ABCA3: variants seen among roughly 807,000 people sequenced by gnomAD.
ABCA3 encodes phospholipid-transporting ATPase ABCA3.
In ABCA3, 88 loss-of-function variants were observed where a neutral mutation model predicts 172.8. That is an observed-to-expected ratio of 0.51 (90% CI 0.43 to 0.61). The LOEUF (loss-of-function observed/expected upper bound fraction) is 0.61. Ranked by LOEUF, ABCA3 falls within the 20% of genes least tolerant of loss-of-function variation. The pLI is 0.00. For synonymous variants in ABCA3, 1,066 were observed against 983.8 expected (o/e 1.08, Z -1.56); for missense variants, 2,164 against 2,301.0 (o/e 0.94, Z 1.22).
rs2093658220 is a variant in ABCA3, at chr16:2,283,470, C to T, written c.3863-112G>A. 7.8e-7 allele frequency: 1 copy of T among 1,278,710 alleles called. No individual in the cohort carries two copies. Among genetic ancestry groups the T allele is most frequent in the Non-Finnish European group, 1.1e-6 (1 of 924,746 alleles). The allele number at this position is 1,278,710 out of a possible 1,614,324, so 79.2% of individuals were successfully genotyped here. A position where few individuals can be genotyped will look rare whatever the true frequency, so the allele number is the denominator to read the frequency against. On this transcript the variant is annotated intron_variant, in intron 25 of 32. Transcript: ENST00000301732. The surrounding 1 kb of genome is among the most constrained non-coding windows in gnomAD (Gnocchi z 5.4). ...CTGCTCAAGGCGCCTGTAACAATGT[C>T]CCCTCCATGGGGAGATGTGAAGGCC...
rs323059 is a variant in ABCA3 at position 2,324,285 on chromosome 16, T to C, written c.447+119A>G. The C allele has an allele frequency of 0.98, 1,385,874 of 1,408,126 alleles. 684,520 individuals are homozygous for C. Among genetic ancestry groups the C allele is most frequent in the East Asian group, 1 (39,841 of 39,842 alleles). The allele number at this position is 1,408,126 out of a possible 1,614,324, so 87.2% of individuals were successfully genotyped here. ...CCCAAAGGAGTGACTGCTATTGACT[T>C]GCAGGCAGGCAGAGGTTTAAGGGAA... On this transcript the variant is annotated intron_variant, in intron 6 of 32. Transcript: ENST00000301732.
intron 14 of ABCA3, among the ~76,000 whole-genome samples, chr16:2,299,141 C>G (rs938318996): frequency 6.9e-6 from 1 of 145,914 alleles, no homozygotes. Flanking sequence ...GCAGGGGTCC[C>G]TGGGGGTCCC....
Position 2,285,322 on chromosome 16 carries a change from TG to T in ABCA3, c.3483+119del. The T allele has an allele frequency of 2.4e-6, 3 of 1,243,246 alleles. No homozygotes were observed. Among genetic ancestry groups the T allele is most frequent in the Non-Finnish European group, 3.4e-6 (3 of 879,190 alleles). 77.0% of individuals were successfully genotyped at this position (1,243,246 alleles called of 1,614,324 possible). On this transcript the variant is annotated intron_variant, in intron 23 of 32. Coordinates refer to ENST00000301732, the MANE Select transcript of ABCA3 (RefSeq NM_001089.3). The surrounding 1 kb of genome is among the most constrained non-coding windows in gnomAD (Gnocchi z 4.7). The stretch of plus-strand genomic sequence containing the variant: ...GCCAGGGGATTCCAGCTGTCCTCCC[TG>T]AGTCGGGCCGAGCTGCCGGCCTAGG...
In ABCA3 at chr16:2,283,198, C is replaced by T. The variant is rs111481371; in HGVS notation, c.4023G>A (p.Arg1341=). 6.2e-7 allele frequency: 1 copy of T among 1,613,204 alleles called. No individual in the cohort carries two copies. The highest frequency in any genetic ancestry group is 1.3e-5 in the African/African-American group (1 of 75,040). ...CGGAGCCACTCACCAGTGTCCGCCT[C>T]CTCCGGAGGGCGCAGAGGATGCCCC... ...RLRGILCALR[R]RRTLTELYTR... The change falls in exon 26 of 33, where the codon AGG becomes AGA. Residue 1341 remains arginine (R), a synonymous_variant. Coordinates refer to ENST00000301732, the MANE Select transcript of ABCA3 (RefSeq NM_001089.3). This position sits in a 1 kb window ranked among gnomAD's most constrained non-coding sequence, Gnocchi z 5.4.
chr16:2,309,228 G>A (rs760787230), intron 10 of ABCA3, among the ~76,000 whole-genome samples: 5 of 152,046 alleles, frequency 3.3e-5, no homozygotes, highest in Non-Finnish European at 7.4e-5. Flanking sequence ...TTACAGGCGT[G>A]AGCCACCGTG....
At chr16:2,299,559 G>C in intron 13 of ABCA3, 27 bp from the exon 14 acceptor site, 9 of 1,611,138 alleles carry the variant, frequency 5.6e-6, no homozygotes, top group Non-Finnish European at 7.6e-6. Flanking sequence ...GGCTGCCCTG[G>C]GCTACCCACA....
chr16:2,304,002 G>C lies in ABCA3; in HGVS notation c.1434C>G (p.Phe478Leu), dbSNP rs199642666. The change falls in exon 12 of 33, where the codon TTC (phenylalanine) becomes TTG (leucine). Residue 478 changes from phenylalanine (F) to leucine (L), a missense_variant. Around this residue, in one of 3 missense-constraint regions of ABCA3, gnomAD observed 1,343 missense variants for 1,369.6 expected, o/e 0.98. Coordinates refer to ENST00000301732, the MANE Select transcript of ABCA3 (RefSeq NM_001089.3). Reference protein sequence around the residue: ...WYMEAVFPGQFGVPQPWYFFI... With the variant: ...WYMEAVFPGQLGVPQPWYFFI... ...AGAAGTACCAGGGCTGAGGCACGCCGAACTGCCCTGGGAAGACGGCCTCCA... is the reference window on the plus strand; with the variant it reads ...AGAAGTACCAGGGCTGAGGCACGCCCAACTGCCCTGGGAAGACGGCCTCCA... 53 of 1,614,046 alleles carry C rather than the reference G, an allele frequency of 3.3e-5. No individual in the cohort carries two copies. Among genetic ancestry groups the C allele is most frequent in the Non-Finnish European group, 4.2e-5 (49 of 1,180,034 alleles).
At chr16:2,338,868 C>T (rs866834266) in intron 1 of ABCA3, among the ~76,000 whole-genome samples, 1 of 151,212 alleles carries the variant, frequency 6.6e-6, no homozygotes, top group Non-Finnish European at 1.5e-5. Flanking sequence ...GATTCTTCTG[C>T]CTCAGCCTCC....
At chr16:2,314,997 C>T (rs2093712658) in intron 10 of ABCA3, among the ~76,000 whole-genome samples, 1 of 151,446 alleles carries the variant, frequency 6.6e-6, no homozygotes, top group African/African-American at 2.4e-5. Flanking sequence ...CCTGCCTCAG[C>T]CTCCCGAGTA....
At chr16:2,289,386 G>A (rs1302728275) in intron 20 of ABCA3, 48 bp downstream of exon 20, 4 of 1,542,398 alleles carry the variant, frequency 2.6e-6, no homozygotes, top group Non-Finnish European at 2.6e-6. Flanking sequence ...GGCGTTTGGG[G>A]GCTGCTCGCC....
intron 10 of ABCA3, among the ~76,000 whole-genome samples, chr16:2,315,839 CTT>C (rs536716259): frequency 5.1e-3 from 531 of 104,826 alleles, no homozygotes; most frequent in African/African-American, 0.017. Context: ...AATTTTTAAA[CTT>C]TTTTTTTTTT....
intron 14 of ABCA3, among the ~76,000 whole-genome samples, chr16:2,298,775 C>G (rs1009032900): frequency 1.1e-4 from 16 of 152,230 alleles, no homozygotes; most frequent in African/African-American, 3.9e-4. Context: ...GAGGAGAAAC[C>G]CACGACACAC....
In ABCA3 at chr16:2,324,307, G is replaced by A. The variant is rs1374837373; in HGVS notation, c.447+97C>T. On this transcript the variant is annotated intron_variant, in intron 6 of 32. Transcript: ENST00000301732. ...ACTTGCAGGCAGGCAGAGGTTTAAG[G>A]GAAAGCAGTGCCTTTTACAGGTTGA... is the stretch of plus-strand genomic sequence containing the variant. The A allele has an allele frequency of 2.0e-6, 3 of 1,498,970 alleles. No individual in the cohort carries two copies. The East Asian group carries it at 7.4e-5, about 37-fold the overall frequency. The allele number at this position is 1,498,970 out of a possible 1,614,324, so 92.9% of individuals were successfully genotyped here.
intron 10 of ABCA3, among the ~76,000 whole-genome samples, chr16:2,315,428 G>T (rs945231698): frequency 6.6e-6 from 1 of 152,136 alleles, no homozygotes; most frequent in Non-Finnish European, 1.5e-5. Flanking sequence ...ACACCTATCT[G>T]TGGAGAATTT....
chr16:2,310,587 G>C (rs1465096376), intron 10 of ABCA3, among the ~76,000 whole-genome samples: 2 of 150,028 alleles, frequency 1.3e-5, no homozygotes, highest in African/African-American at 4.9e-5. Context: ...TGTGATTTCA[G>C]CTCACTGCAA....
rs377610469 is a variant in ABCA3 at position 2,285,825 on chromosome 16, C to G, written c.3279-179G>C. On this transcript the variant is annotated intron_variant, in intron 22 of 32. Transcript: ENST00000301732. The surrounding 1 kb of genome is among the most constrained non-coding windows in gnomAD (Gnocchi z 4.7). Reference sequence around the variant, plus strand: ...GGGAACATCTGCCCCCACCGGAGAACGGTTCCTCTGGAATTCCTATGCTGA... The same window carrying G: ...GGGAACATCTGCCCCCACCGGAGAAGGGTTCCTCTGGAATTCCTATGCTGA... Among the ~76,000 whole-genome samples, 1 of 152,174 alleles carries G rather than the reference C, an allele frequency of 6.6e-6. No homozygotes were observed. The highest frequency in any genetic ancestry group is 2.4e-5 in the African/African-American group (1 of 41,434).
At chr16:2,306,811 C>G (rs1035563803) in intron 11 of ABCA3, among the ~76,000 whole-genome samples, 7 of 151,840 alleles carry the variant, frequency 4.6e-5, no homozygotes, top group South Asian at 4.2e-4. Context: ...GTCAGAAGAT[C>G]GAGACCATCC....
Position 2,286,626 on chromosome 16 carries a change from G to T in ABCA3, c.3278+68C>A. The T allele has an allele frequency of 6.3e-7, 1 of 1,596,366 alleles. No homozygotes were observed. The highest frequency in any genetic ancestry group is 1.1e-5 in the South Asian group (1 of 90,238). On this transcript the variant is annotated intron_variant, in intron 22 of 32. Transcript: ENST00000301732. This position sits in a 1 kb window ranked among gnomAD's most constrained non-coding sequence, Gnocchi z 5.2. Reference sequence around the variant, plus strand: ...CACAATGCTCTATCTATGGGCCCGTGGCAGTGCCCAGGGCAGTCAGTCCTG... The same window carrying T: ...CACAATGCTCTATCTATGGGCCCGTTGCAGTGCCCAGGGCAGTCAGTCCTG...
Position 2,326,170 on chromosome 16 carries a change from G to A in ABCA3, c.159C>T (p.Asn53=), listed in dbSNP as rs191085051. The part of the protein sequence containing the change: ...RLKIQSENVP[N]ATIYPGQSIQ... ...TGGACTGGCCCGGGTAGATGGTGGCGTTGGGCACATTTTCCGACTGAATCT... is the reference window on the plus strand; with the variant it reads ...TGGACTGGCCCGGGTAGATGGTGGCATTGGGCACATTTTCCGACTGAATCT... The change falls in exon 5 of 33, where the codon AAC becomes AAT. Residue 53 remains asparagine (N), a synonymous_variant. Coordinates refer to ENST00000301732, the MANE Select transcript of ABCA3 (RefSeq NM_001089.3). 22 of 1,614,160 alleles carry A rather than the reference G, an allele frequency of 1.4e-5. No homozygotes were observed. The highest frequency in any genetic ancestry group is 1.9e-5 in the Non-Finnish European group (22 of 1,180,048).
Sources: gnomAD v4.1 joint callset for allele counts (sites outside exome capture counted in the v4.1 genomes callset) on GRCh38, gnomAD v4.1.1 for gene constraint, gnomAD v4.1.1 regional missense constraint, Gnocchi (gnomAD v3.1) non-coding constraint, MANE v1.5 for transcripts, NCBI Gene and HGNC (gene_info 2026-07-23, HGNC 2026-07-21) for gene names.